Variants in SHROOM3 observed in about 807,000 individuals in gnomAD.
The protein encoded by SHROOM3 is protein Shroom3.
SHROOM3 carries 47 observed loss-of-function variants against 138.6 expected under a neutral mutation model. The observed-to-expected ratio is 0.34, with a 90% CI of 0.27 to 0.43. SHROOM3 has a LOEUF of 0.43. Among genes scored for constraint, SHROOM3 ranks in the 20% least tolerant of loss-of-function variants. The probability of loss-of-function intolerance (pLI) is 1.00; values close to 1 mark genes in which losing one functional copy is unlikely to be tolerated. For missense variants in SHROOM3, 2,491 were observed against 2,596.5 expected, an observed-to-expected ratio of 0.96 and a Z score of 0.88; for synonymous variants, 1,062 against 1,063.3, an observed-to-expected ratio of 1.00 and a Z score of 0.02.
At chr4:76,443,370 T>G (rs1395668691) in intron 1 of SHROOM3, among the ~76,000 whole-genome samples, 1 of 152,232 alleles carries the variant, frequency 6.6e-6, no homozygotes, top group Non-Finnish European at 1.5e-5. Context: ...AATATTCATC[T>G]CATTTTAGTG....
intron 2 of SHROOM3, among the ~76,000 whole-genome samples, chr4:76,599,095 T>C (rs1471663471): frequency 6.6e-6 from 1 of 152,126 alleles, no homozygotes; most frequent in African/African-American, 2.4e-5. Flanking sequence ...GGATGACTCC[T>C]AGGGTTTTAG....
chr4:76,559,104 G>C (rs1733548256), intron 2 of SHROOM3: 1 of 152,166 alleles, frequency 6.6e-6, no homozygotes, highest in Non-Finnish European at 1.5e-5. Flanking sequence ...TCTGCTTCTG[G>C]TGTGGGAAAC....
Position 76,740,429 on chromosome 4 carries a change from CACAT to C in SHROOM3, c.2257_2260del (p.Thr753ProfsTer88). 1 of 1,612,776 alleles carries C rather than the reference CACAT, an allele frequency of 6.2e-7. No individual in the cohort carries two copies. On this transcript the variant is annotated frameshift_variant, in exon 5 of 11. Transcript: ENST00000296043. LOFTEE classifies it high-confidence loss of function. The surrounding 1 kb of genome is among the most constrained non-coding windows in gnomAD (Gnocchi z 4.0). ...AGCCGCCTGCCCCCTCGCACCCGCA[CACAT>C]CCAGTCTGGGCCGGAGGGGGCCCGG...
intron 1 of SHROOM3, among the ~76,000 whole-genome samples, chr4:76,456,613 C>G (rs189711498): frequency 2.0e-5 from 3 of 152,252 alleles, no homozygotes; most frequent in Admixed American, 1.3e-4. Context: ...AGAGCAAAAA[C>G]TTCGAAAAAT....
chr4:76,525,476 G>A (rs941810910), intron 1 of SHROOM3, among the ~76,000 whole-genome samples: 8 of 152,112 alleles, frequency 5.3e-5, no homozygotes, highest in African/African-American at 1.9e-4. Context: ...AACCATATCA[G>A]TATTATTACT....
At chr4:76,712,926 G>C (rs1720273423) in intron 3 of SHROOM3, among the ~76,000 whole-genome samples, 1 of 152,196 alleles carries the variant, frequency 6.6e-6, no homozygotes, top group Non-Finnish European at 1.5e-5. Flanking sequence ...ACAGCATGTT[G>C]CTGTACTGAA....
At chr4:76,500,345 C>T (rs570789904) in intron 1 of SHROOM3, among the ~76,000 whole-genome samples, 4 of 152,270 alleles carry the variant, frequency 2.6e-5, no homozygotes, top group South Asian at 4.2e-4. Flanking sequence ...GTTGGCCAGC[C>T]GCTCTTGCAG....
At chr4:76,674,289 T>C (rs1485689579) in intron 2 of SHROOM3, among the ~76,000 whole-genome samples, 1 of 152,200 alleles carries the variant, frequency 6.6e-6, no homozygotes, top group African/African-American at 2.4e-5. Flanking sequence ...ATATAAGAGA[T>C]ACCTGTTTTC....
chr4:76,665,465 G>C (rs970981100), intron 2 of SHROOM3, among the ~76,000 whole-genome samples: 8 of 152,210 alleles, frequency 5.3e-5, no homozygotes, highest in African/African-American at 1.9e-4. Flanking sequence ...CAGTCATCTG[G>C]AAGAGAGCCC....
chr4:76,513,012 T>C (rs550245647), intron 1 of SHROOM3, among the ~76,000 whole-genome samples: 9 of 152,302 alleles, frequency 5.9e-5, no homozygotes, highest in African/African-American at 2.2e-4. Flanking sequence ...GCTTGCACCG[T>C]GCCATCTCAG....
At chr4:76,708,810 A>T (rs905520441) in intron 2 of SHROOM3, among the ~76,000 whole-genome samples, 1 of 152,212 alleles carries the variant, frequency 6.6e-6, no homozygotes, top group Admixed American at 6.5e-5. Flanking sequence ...TTTACCGTGG[A>T]TGAGGAGCCT....
At position 76,757,068 on chromosome 4, in the gene SHROOM3, C is replaced by A. The variant is rs1456029692; in HGVS notation, c.5198+131C>A. ...TCCTGAACCAAGAGTGACATTTTATCTCAGTCTTGGAGGAATGGCTCTGGC... is the reference window on the plus strand; with the variant it reads ...TCCTGAACCAAGAGTGACATTTTATATCAGTCTTGGAGGAATGGCTCTGGC... On this transcript the variant is annotated intron_variant, in intron 8 of 10. Transcript: ENST00000296043. 2.8e-6 allele frequency: 4 copies of A among 1,450,198 alleles called. No homozygotes were observed. The African/African-American group carries it at 5.6e-5, about 20-fold the overall frequency. 89.8% of individuals were successfully genotyped at this position (1,450,198 alleles called of 1,614,324 possible).
intron 6 of SHROOM3, among the ~76,000 whole-genome samples, chr4:76,750,264 G>C (rs886323076): frequency 1.3e-5 from 2 of 152,024 alleles, no homozygotes; most frequent in Non-Finnish European, 2.9e-5. Flanking sequence ...AAAGAAAATT[G>C]GTCTGAAATC....
intron 2 of SHROOM3, among the ~76,000 whole-genome samples, chr4:76,602,478 ATT>A (rs1050335084): frequency 6.7e-6 from 1 of 149,988 alleles, no homozygotes; most frequent in Middle Eastern, 3.2e-3. Context: ...AATTTTCTTG[ATT>A]TTTTTTTTCG....
At chr4:76,689,514 G>A (rs1719445372) in intron 2 of SHROOM3, 1 of 983,578 alleles carries the variant, frequency 1.0e-6, no homozygotes, top group Non-Finnish European at 1.2e-6. Flanking sequence ...CCGGCCCACC[G>A]TGCAGCTGTA....
intron 9 of SHROOM3, among the ~76,000 whole-genome samples, chr4:76,767,442 G>A (rs901217976): frequency 1.3e-5 from 2 of 152,340 alleles, no homozygotes; most frequent in East Asian, 1.9e-4. Flanking sequence ...ACTTTGGGAG[G>A]CCAAGGCAGG....
At chr4:76,775,321 G>GGGGGGTGT (rs112978260) in intron 10 of SHROOM3, among the ~76,000 whole-genome samples, 1 of 149,110 alleles carries the variant, frequency 6.7e-6, no homozygotes, top group African/African-American at 2.5e-5. Context: ...TAGTCCATGG[G>GGGGGGTGT]GTGTGTGTGT....
At chr4:76,604,872 G>C (rs1577913421) in intron 2 of SHROOM3, among the ~76,000 whole-genome samples, 2 of 152,204 alleles carry the variant, frequency 1.3e-5, no homozygotes, top group Non-Finnish European at 2.9e-5. Flanking sequence ...ACTATATAAG[G>C]CTAAGGAGTT....
chr4:76,521,706 T>G (rs1285459196), intron 1 of SHROOM3, among the ~76,000 whole-genome samples: 1 of 152,246 alleles, frequency 6.6e-6, no homozygotes, highest in Non-Finnish European at 1.5e-5. Context: ...TTGTACATGT[T>G]GCCAAATTTA....
Sources: gnomAD v4.1 joint callset for allele counts (sites outside exome capture counted in the v4.1 genomes callset) on GRCh38, gnomAD v4.1.1 for gene constraint, Gnocchi (gnomAD v3.1) non-coding constraint, MANE v1.5 for transcripts, NCBI Gene and HGNC (gene_info 2026-07-23, HGNC 2026-07-21) for gene names.